The following SUSD4 variants were observed in gnomAD, a reference collection of about 807,000 sequenced individuals.
SUSD4 encodes the protein sushi domain-containing protein 4.
A neutral mutation model predicts 50.5 loss-of-function variants in SUSD4; 41 were observed. The ratio of observed to expected loss-of-function variants is 0.81; its 90% CI spans 0.63 to 1.05. SUSD4 has a LOEUF of 1.05. Among genes scored for constraint, SUSD4 ranks in the 50% least tolerant of loss-of-function variants. SUSD4 has a pLI of 0.00. For missense variants in SUSD4, 580 were observed against 634.7 expected, an observed-to-expected ratio of 0.91 and a Z score of 0.93; for synonymous variants, 257 against 257.3, an observed-to-expected ratio of 1.00 and a Z score of 0.01.
At chr1:223,352,454 C>T (rs926771986) in intron 2 of SUSD4, among the ~76,000 whole-genome samples, 3 of 152,210 alleles carry the variant, frequency 2.0e-5, no homozygotes, top group Admixed American at 2.0e-4. Flanking sequence ...GCACAGACTG[C>T]ACTTTAAGGA....
intron 2 of SUSD4, among the ~76,000 whole-genome samples, chr1:223,352,666 A>C (rs1668431835): frequency 6.6e-6 from 1 of 152,186 alleles, no homozygotes; most frequent in South Asian, 2.1e-4. Flanking sequence ...TCCAGCCCAC[A>C]GACACCCAGA....
rs1010564649 is a variant in SUSD4 at position 223,227,793 on chromosome 1, G to A, written c.917-55C>T. The A allele has an allele frequency of 7.8e-6, 12 of 1,542,298 alleles. No individual in the cohort carries two copies. Among genetic ancestry groups the A allele is most frequent in the South Asian group, 4.8e-5 (4 of 83,250 alleles). On this transcript the variant is annotated intron_variant, in intron 6 of 8. Coordinates refer to ENST00000366878, the MANE Select transcript of SUSD4 (RefSeq NM_017982.4). This position sits in a 1 kb window ranked among gnomAD's most constrained non-coding sequence, Gnocchi z 4.5. ...AGGCTCCCAGACCATGAGAGGTGCC[G>A]AGGTTCCCCGTGGGCTCATTTGCTG...
intron 2 of SUSD4, among the ~76,000 whole-genome samples, chr1:223,352,536 G>A (rs1022855869): frequency 1.3e-5 from 2 of 152,120 alleles, no homozygotes; most frequent in Non-Finnish European, 2.9e-5. Context: ...GTCTGGGGCC[G>A]AGAAGAGGCT....
At chr1:223,322,431 T>C (rs369776327) in intron 2 of SUSD4, among the ~76,000 whole-genome samples, 34 of 152,366 alleles carry the variant, frequency 2.2e-4, no homozygotes, top group African/African-American at 7.2e-4. Context: ...TAGAGCATGG[T>C]ACACAGGAAA....
intron 8 of SUSD4, 135 bp from the exon 9 acceptor site, chr1:223,222,355 G>T: frequency 3.9e-6 from 3 of 777,554 alleles, no homozygotes; most frequent in Non-Finnish European, 6.1e-6. Context: ...CCACATACCA[G>T]TTAATAACCA....
At chr1:223,281,071 G>A (rs1020473183) in intron 3 of SUSD4, among the ~76,000 whole-genome samples, 5 of 152,122 alleles carry the variant, frequency 3.3e-5, no homozygotes, top group South Asian at 2.1e-4. Flanking sequence ...CAGAATCTCC[G>A]GGACACATTT....
intron 2 of SUSD4, among the ~76,000 whole-genome samples, chr1:223,312,085 G>T (rs571374982): frequency 6.6e-6 from 1 of 152,112 alleles, no homozygotes; most frequent in Non-Finnish European, 1.5e-5. Context: ...CTAATGGTTC[G>T]GTTCATGAAT....
At chr1:223,354,349 A>G (rs1265261222) in intron 2 of SUSD4, among the ~76,000 whole-genome samples, 3 of 152,156 alleles carry the variant, frequency 2.0e-5, no homozygotes, top group Non-Finnish European at 4.4e-5. Flanking sequence ...CCAAAAAAAA[A>G]AAAAAGAACA....
chr1:223,234,993 G>A, intron 5 of SUSD4: 6 of 1,607,562 alleles, frequency 3.7e-6, no homozygotes, highest in East Asian at 2.2e-5. Context: ...GAACAGGTAG[G>A]TGCTGGGGTG....
intron 2 of SUSD4, among the ~76,000 whole-genome samples, chr1:223,338,269 C>T (rs1011809861): frequency 6.6e-6 from 1 of 152,160 alleles, no homozygotes; most frequent in Non-Finnish European, 1.5e-5. Context: ...GGAGTGAGGC[C>T]GGGAGCCGCT....
intron 5 of SUSD4, among the ~76,000 whole-genome samples, chr1:223,246,987 C>A (rs982489080): frequency 3.3e-5 from 5 of 152,156 alleles, no homozygotes; most frequent in Non-Finnish European, 5.9e-5. Context: ...TGAATGAATA[C>A]TAATGTAGTA....
chr1:223,228,042 C>CA (rs1659639462), intron 6 of SUSD4, among the ~76,000 whole-genome samples: 1 of 152,226 alleles, frequency 6.6e-6, no homozygotes, highest in South Asian at 2.1e-4. Flanking sequence ...CTCTTGAGAA[C>CA]AGAGGTGGGC....
chr1:223,337,704 A>C (rs1486107243), intron 2 of SUSD4, among the ~76,000 whole-genome samples: 1 of 152,164 alleles, frequency 6.6e-6, no homozygotes, highest in Non-Finnish European at 1.5e-5. Flanking sequence ...ACCTGTGCCC[A>C]CTGCATAGTC....
chr1:223,264,869 C>A, intron 4 of SUSD4, 51 bp from the exon 5 acceptor site: 1 of 1,573,028 alleles, frequency 6.4e-7, no homozygotes, highest in Non-Finnish European at 8.6e-7. Context: ...CATCTCTGTA[C>A]ATCGAAAAGT....
At chr1:223,288,797 T>C (rs532829260) in intron 3 of SUSD4, among the ~76,000 whole-genome samples, 1 of 152,326 alleles carries the variant, frequency 6.6e-6, no homozygotes, top group South Asian at 2.1e-4. Flanking sequence ...CTCTTTAAGA[T>C]GTTTACTTTT....
chr1:223,346,250 C>T (rs1171307843), intron 2 of SUSD4, among the ~76,000 whole-genome samples: 4 of 152,104 alleles, frequency 2.6e-5, no homozygotes, highest in African/African-American at 4.8e-5. Context: ...AAAACCCTAA[C>T]GTATGACTTA....
chr1:223,282,753 T>C (rs1663836353), intron 3 of SUSD4, among the ~76,000 whole-genome samples: 2 of 152,234 alleles, frequency 1.3e-5, no homozygotes, highest in Non-Finnish European at 2.9e-5. Flanking sequence ...AAAGTTCATA[T>C]AGAACCAAAA....
rs1435550930 is a variant in SUSD4 at position 223,229,782 on chromosome 1, T to A, written c.725-394A>T. Among the ~76,000 whole-genome samples the A allele has an allele frequency of 6.6e-6, 1 of 152,248 alleles. No homozygotes were observed. On this transcript the variant is annotated intron_variant, in intron 5 of 8. Coordinates refer to ENST00000366878, the MANE Select transcript of SUSD4 (RefSeq NM_017982.4). The surrounding 1 kb of genome is among the most constrained non-coding windows in gnomAD (Gnocchi z 4.7). ...AAATCTTTACTGAAAGGCATAGTTATCCCAAGCCTGTTTCTGTGACCACAG... is the reference window on the plus strand; with the variant it reads ...AAATCTTTACTGAAAGGCATAGTTAACCCAAGCCTGTTTCTGTGACCACAG...
intron 5 of SUSD4, among the ~76,000 whole-genome samples, chr1:223,242,722 C>G (rs758260073): frequency 6.6e-6 from 1 of 152,210 alleles, no homozygotes; most frequent in Non-Finnish European, 1.5e-5. Flanking sequence ...AAATAATACC[C>G]GCTCACTAGA....
Sources: allele counts gnomAD v4.1 joint callset (sites outside exome capture counted in the v4.1 genomes callset), GRCh38; gene constraint gnomAD v4.1.1; non-coding constraint Gnocchi (gnomAD v3.1); transcripts MANE v1.5; gene names NCBI Gene and HGNC (gene_info 2026-07-23, HGNC 2026-07-21).